Variants in FN1 observed in about 807,000 individuals in gnomAD.
The protein encoded by FN1 is fibronectin.
Under a neutral mutation model 297.3 loss-of-function variants are expected in FN1, and 106 were observed. The ratio of observed to expected loss-of-function variants is 0.36; its 90% CI spans 0.30 to 0.42. The LOEUF is 0.42. FN1 is among the 10% of genes least tolerant of loss of function. The probability of loss-of-function intolerance (pLI) is 1.00; values close to 1 mark genes in which losing one functional copy is unlikely to be tolerated. For missense variants in FN1, 2,690 were observed against 3,124.9 expected (o/e 0.86, Z 3.32); for synonymous variants, 1,149 against 1,152.6 (o/e 1.00, Z 0.06).
At chr2:215,370,038 C>T (rs1376961154) in intron 41 of FN1, among the ~76,000 whole-genome samples, 1 of 152,150 alleles carries the variant, frequency 6.6e-6, no homozygotes, top group Non-Finnish European at 1.5e-5. Context: ...TATTTGAAAT[C>T]CCTTCCAGAT....
chr2:215,435,957 G>T lies in FN1; in HGVS notation c.-155C>A, dbSNP rs535777610. 4 of 1,423,862 alleles carry T rather than the reference G, an allele frequency of 2.8e-6. 1 individual carries two copies. The South Asian group carries it at 5.9e-5, about 21-fold the overall frequency. 88.2% of individuals were successfully genotyped at this position (1,423,862 alleles called of 1,614,324 possible). On this transcript the variant is annotated 5_prime_UTR_variant, in exon 1 of 46. Coordinates refer to ENST00000354785, the MANE Select transcript of FN1 (RefSeq NM_212482.4). Reference sequence around the variant, plus strand: ...CCAGAGGGTGGGGAAGGGGACGGGTGGAGGGACAGAAGGGATGCAGAGGAC... The same window carrying T: ...CCAGAGGGTGGGGAAGGGGACGGGTTGAGGGACAGAAGGGATGCAGAGGAC...
rs1476324732 is a variant in FN1 at position 215,386,837 on chromosome 2, G to A, written c.4464C>T (p.Phe1488=). The A allele has an allele frequency of 1.6e-5, 26 of 1,614,062 alleles. No homozygotes were observed. The highest frequency in any genetic ancestry group is 2.2e-5 in the Non-Finnish European group (26 of 1,180,012). The change falls in exon 28 of 46, where the codon TTC becomes TTT. Residue 1488 remains phenylalanine, a synonymous_variant. Transcript: ENST00000354785. ...CCCGATCTTCTCGAGGTCTCCCACT[G>A]AAGTGCTCGGGATGATGGCGGATCC... ...GYRIRHHPEH[F]SGRPREDRVP...
Position 215,409,753 on chromosome 2 carries a change from G to A in FN1, c.2123-14C>T. The A allele has an allele frequency of 6.2e-7, 1 of 1,614,002 alleles. No individual in the cohort carries two copies. The highest frequency in any genetic ancestry group is 1.3e-5 in the African/African-American group (1 of 75,040). ...TCACGGTGTTGCCTAGAGAGTCACA[G>A]AAAGGGGAAAGTCAGCCTTCAGTCA... On this transcript the variant is annotated splice_polypyrimidine_tract_variant and intron_variant, in intron 14 of 45. Coordinates refer to ENST00000354785, the MANE Select transcript of FN1 (RefSeq NM_212482.4).
chr2:215,361,548 A>G lies in FN1; in HGVS notation c.*7T>C. 6.3e-7 allele frequency: 1 copy of G among 1,592,102 alleles called. No homozygotes were observed. The highest frequency in any genetic ancestry group is 1.3e-5 in the African/African-American group (1 of 74,560). ...ACATGCTTGTTCCTCTGGATTGGAA[A>G]GATGATTTACTCTCGGGAATCTTCT... is the stretch of plus-strand genomic sequence containing the variant. On this transcript the variant is annotated 3_prime_UTR_variant, in exon 46 of 46. Transcript: ENST00000354785.
rs9288509 is a variant in FN1 at position 215,423,180 on chromosome 2, TCA to T, written c.1393+168_1393+169del. 0.18 allele frequency among the ~76,000 whole-genome samples: 26,047 copies of T among 148,684 alleles called. 3,869 individuals carry two copies. The highest frequency in any genetic ancestry group is 0.87 in the East Asian group (4,430 of 5,082). On this transcript the variant is annotated intron_variant, in intron 9 of 45. Transcript: ENST00000354785. ...CAATCCTTATGTATATGATGTAACA[TCA>T]CACACACACACACACACACACACAC...
rs778565192 is a variant in FN1, at chr2:215,384,890, T to A, written c.4699A>T (p.Arg1567Ter). The change falls in exon 29 of 46, where the codon AGA becomes TGA. Residue 1567 changes from arginine (R) to a stop codon, truncating the protein, a stop_gained. Coordinates refer to ENST00000354785, the MANE Select transcript of FN1 (RefSeq NM_212482.4). LOFTEE classifies it high-confidence loss of function. ...TCTCCGTAAGTGATCCTGTAATATC[T>A]CACTGTGACAGCAGGAGCATCCCAG... is the stretch of plus-strand genomic sequence containing the variant. ...ISWDAPAVTVRYYRITYGETG... is the reference protein window; with the variant it reads ...ISWDAPAVTV The A allele has an allele frequency of 6.2e-7, 1 of 1,613,416 alleles. No homozygotes were observed. Among genetic ancestry groups the A allele is most frequent in the South Asian group, 1.1e-5 (1 of 91,072 alleles).
At position 215,371,611 on chromosome 2, in the gene FN1, A is replaced by T. The variant is rs540729427; in HGVS notation, c.6714+298T>A. 2.6e-4 allele frequency among the ~76,000 whole-genome samples: 34 copies of T among 130,614 alleles called. 1 individual carries two copies. In the South Asian group the frequency reaches 3.3e-3, roughly 13 times the overall value. 85.7% of individuals were successfully genotyped at this position (130,614 alleles called of 152,430 possible). A position where few individuals can be genotyped will look rare whatever the true frequency, so the allele number is the denominator to read the frequency against. On this transcript the variant is annotated intron_variant, in intron 40 of 45. Coordinates refer to ENST00000354785, the MANE Select transcript of FN1 (RefSeq NM_212482.4). ...CCAAAGTAGAGCCATATTGGGATTT[A>T]AAAAAAAAAAAAAGCAGGGCTTAAA...
intron 43 of FN1, 44 bp from the exon 44 acceptor site, chr2:215,365,029 A>C (rs2054252542): frequency 1.6e-6 from 2 of 1,265,404 alleles, no homozygotes; most frequent in Non-Finnish European, 2.2e-6. Context: ...GCTGAGAACA[A>C]TACTGCAGAC....
intron 11 of FN1, among the ~76,000 whole-genome samples, chr2:215,420,216 G>C (rs553793659): frequency 6.6e-6 from 1 of 152,214 alleles, no homozygotes; most frequent in Non-Finnish European, 1.5e-5. Context: ...GCGCATGCCT[G>C]TAATCCCAGC....
rs776879077 is a variant in FN1 at position 215,361,516 on chromosome 2, CAG to C, written c.*37_*38del. ...TCACTCCAGTTTAGATGGATCTTGG[CAG>C]AGAGACATGCTTGTTCCTCTGGATT... is the stretch of plus-strand genomic sequence containing the variant. On this transcript the variant is annotated 3_prime_UTR_variant, in exon 46 of 46. Transcript: ENST00000354785. 3.4e-5 allele frequency: 47 copies of C among 1,387,408 alleles called. No homozygotes were observed. The African/African-American group carries it at 4.5e-4, about 13-fold the overall frequency. 85.9% of individuals were successfully genotyped at this position (1,387,408 alleles called of 1,614,324 possible). A position where few individuals can be genotyped will look rare whatever the true frequency, so the allele number is the denominator to read the frequency against.
chr2:215,380,506 T>C, intron 33 of FN1: 1 of 413,684 alleles, frequency 2.4e-6, no homozygotes, highest in Non-Finnish European at 4.4e-6. Flanking sequence ...TTATACATAG[T>C]GAGGGTAATC....
chr2:215,419,572 C>A (rs373289118), intron 11 of FN1, among the ~76,000 whole-genome samples, 187 bp from the exon 12 acceptor site: 125 of 151,322 alleles, frequency 8.3e-4, no homozygotes, highest in African/African-American at 2.9e-3. Context: ...AAAAAAAAAA[C>A]CAAAGTACCT....
rs1346670340 is a variant in FN1, at chr2:215,370,666, C to T, written c.6715-234G>A. 1.9e-5 allele frequency: 10 copies of T among 514,072 alleles called. 1 individual carries two copies. Among genetic ancestry groups the T allele is most frequent in the African/African-American group, 7.8e-5 (4 of 51,116 alleles). 31.8% of individuals were successfully genotyped at this position (514,072 alleles called of 1,614,324 possible). ...GATTTTCCTGCCAACAATCTACCTA[C>T]GTGCTCCGTAGTTAACAGGAGCCCT... On this transcript the variant is annotated intron_variant, in intron 40 of 45. Coordinates refer to ENST00000354785, the MANE Select transcript of FN1 (RefSeq NM_212482.4).
chr2:215,414,157 A>G (rs977769581), intron 13 of FN1, among the ~76,000 whole-genome samples: 1 of 152,234 alleles, frequency 6.6e-6, no homozygotes, highest in Non-Finnish European at 1.5e-5. Context: ...ATTATGAGCC[A>G]TGAACTTTGG....
chr2:215,394,962 G>A (rs1425114056), intron 23 of FN1, among the ~76,000 whole-genome samples: 4 of 151,928 alleles, frequency 2.6e-5, no homozygotes, highest in African/African-American at 4.8e-5. Flanking sequence ...GGAGTGCAGC[G>A]GTGTGATCTT....
rs767391868 is a variant in FN1, at chr2:215,408,974, C to T, written c.2300-548G>A. 6.6e-5 allele frequency among the ~76,000 whole-genome samples: 10 copies of T among 152,106 alleles called. No homozygotes were observed. The South Asian group carries it at 1.2e-3, about 19-fold the overall frequency. On this transcript the variant is annotated intron_variant, in intron 15 of 45. Coordinates refer to ENST00000354785, the MANE Select transcript of FN1 (RefSeq NM_212482.4). Reference sequence around the variant, plus strand: ...ATTTTTCCAACTTTTTTTCTAAAGACGTATAATTTTTGTAATCGAATGCCA... The same window carrying T: ...ATTTTTCCAACTTTTTTTCTAAAGATGTATAATTTTTGTAATCGAATGCCA...
intron 20 of FN1, among the ~76,000 whole-genome samples, chr2:215,401,265 A>AGGAAG (rs1553629825): frequency 2.8e-4 from 31 of 110,924 alleles, no homozygotes; most frequent in Non-Finnish European, 5.0e-4. Flanking sequence ...AAAGAAAGGA[A>AGGAAG]GGAAAGGAAA....
rs1435569232 is a variant in FN1, at chr2:215,422,208, T to C, written c.1429A>G (p.Met477Val). Residue 477 changes from methionine (M) to valine (V), a missense_variant, in exon 10 of 46, where the codon ATG (methionine) becomes GTG (valine). This residue lies in a region of FN1 where 876 missense variants were observed against 1,058.1 expected (regional missense o/e 0.83). Coordinates refer to ENST00000354785, the MANE Select transcript of FN1 (RefSeq NM_212482.4). The stretch of plus-strand genomic sequence containing the variant: ...TCCCACTGATCTCCAATGCGGTACA[T>C]GACCCCTTCATTGGTTGTGCAGATT... ...EEICTTNEGV[M>V]YRIGDQWDKQ... 9.9e-6 allele frequency: 16 copies of C among 1,614,142 alleles called. No homozygotes were observed. The highest frequency in any genetic ancestry group is 2.2e-5 in the East Asian group (1 of 44,882).
At chr2:215,382,388 C>T (rs878861116) in intron 31 of FN1, 63 bp from the exon 32 acceptor site, 11 of 1,053,030 alleles carry the variant, frequency 1.0e-5, no homozygotes, top group Middle Eastern at 2.0e-4. Context: ...CCTCAAGTGG[C>T]GTCTAGAGTT....
Sources: allele counts gnomAD v4.1 joint callset (sites outside exome capture counted in the v4.1 genomes callset), GRCh38; gene constraint gnomAD v4.1.1; regional missense constraint gnomAD v4.1.1; transcripts MANE v1.5; gene names NCBI Gene and HGNC (gene_info 2026-07-23, HGNC 2026-07-21).